Variants in CMSS1 observed in about 807,000 individuals in gnomAD.
CMSS1 encodes the protein cms1 ribosomal small subunit homolog.
In CMSS1, 33 loss-of-function variants were observed where a neutral mutation model predicts 43.5. That is an observed-to-expected ratio of 0.76 (90% CI 0.57 to 1.01). CMSS1 has a LOEUF of 1.01. Among genes scored for constraint, CMSS1 ranks in the 50% least tolerant of loss-of-function variants. The pLI is 0.00. For missense variants in CMSS1, 313 were observed against 326.4 expected (o/e 0.96, Z 0.32); for synonymous variants, 115 against 117.2 (o/e 0.98, Z 0.12).
intron 1 of CMSS1, among the ~76,000 whole-genome samples, chr3:100,095,492 A>G (rs905213230): frequency 8.5e-5 from 13 of 152,248 alleles, no homozygotes; most frequent in African/African-American, 3.1e-4. Context: ...TAATTTTGAC[A>G]GTCATACCGA....
intron 1 of CMSS1, among the ~76,000 whole-genome samples, chr3:99,976,499 T>C (rs1256148086): frequency 6.6e-6 from 1 of 152,198 alleles, no homozygotes; most frequent in Non-Finnish European, 1.5e-5. Flanking sequence ...TGGACCTGCA[T>C]GTTACTTCAG....
intron 1 of CMSS1, among the ~76,000 whole-genome samples, chr3:100,115,809 C>T (rs1333513064): frequency 3.3e-5 from 5 of 152,094 alleles, no homozygotes; most frequent in African/African-American, 1.2e-4. Flanking sequence ...CCATAGATCC[C>T]ATTCAACTTT....
chr3:99,983,389 A>ATATAT (rs1559713312), intron 1 of CMSS1, among the ~76,000 whole-genome samples: 17 of 40,794 alleles, frequency 4.2e-4, no homozygotes, highest in African/African-American at 1.4e-3. Flanking sequence ...TAAATAAATA[A>ATATAT]ATATATATAT....
chr3:100,124,531 C>T (rs766540950), intron 1 of CMSS1, among the ~76,000 whole-genome samples: 22 of 152,166 alleles, frequency 1.4e-4, no homozygotes, highest in Non-Finnish European at 2.2e-4. Flanking sequence ...GCTGGTGACC[C>T]TGACCTTCTC....
At chr3:99,892,076 C>T (rs559432909) in intron 1 of CMSS1, among the ~76,000 whole-genome samples, 111 of 152,298 alleles carry the variant, frequency 7.3e-4, no homozygotes, top group African/African-American at 2.3e-3. Flanking sequence ...GGTCTAAGAG[C>T]TTCTGCTATG....
chr3:100,085,034 G>A (rs1038475920), intron 1 of CMSS1, among the ~76,000 whole-genome samples: 22 of 152,308 alleles, frequency 1.4e-4, no homozygotes, highest in African/African-American at 5.3e-4. Context: ...TTTTAAATAT[G>A]TATGTATGGT....
intron 1 of CMSS1, among the ~76,000 whole-genome samples, chr3:99,867,738 T>G (rs917110240): frequency 6.6e-6 from 1 of 152,156 alleles, no homozygotes; most frequent in African/African-American, 2.4e-5. Flanking sequence ...TCCTCCCTTC[T>G]TTCCTATATA....
intron 1 of CMSS1, among the ~76,000 whole-genome samples, chr3:100,003,895 G>A (rs1709913433): frequency 6.6e-6 from 1 of 152,162 alleles, no homozygotes; most frequent in East Asian, 1.9e-4. Flanking sequence ...TATAAAGAGA[G>A]AAGGCATAAA....
intron 1 of CMSS1, among the ~76,000 whole-genome samples, chr3:99,983,420 G>GTATA (rs1384205958): frequency 1.7e-5 from 1 of 59,360 alleles, no homozygotes; most frequent in Admixed American, 2.0e-4. Flanking sequence ...ATATATATAT[G>GTATA]TATGTATGTA....
intron 6 of CMSS1, among the ~76,000 whole-genome samples, chr3:100,169,837 A>G (rs1271312630): frequency 6.6e-6 from 1 of 152,254 alleles, no homozygotes; most frequent in African/African-American, 2.4e-5. Context: ...AAGGGCAAAG[A>G]GTGTGGCCTG....
chr3:99,848,411 C>A, intron 1 of CMSS1: 6 of 1,614,134 alleles, frequency 3.7e-6, no homozygotes, highest in Non-Finnish European at 5.1e-6. Flanking sequence ...GTTCGGTTAT[C>A]CTGCAGTGGT....
chr3:99,873,418 T>G (rs1349952060), intron 1 of CMSS1, among the ~76,000 whole-genome samples: 1 of 152,202 alleles, frequency 6.6e-6, no homozygotes, highest in Non-Finnish European at 1.5e-5. Context: ...TTGAGACCAA[T>G]ATTGCCTTAC....
intron 1 of CMSS1, among the ~76,000 whole-genome samples, chr3:100,002,823 C>T (rs1469931587): frequency 6.6e-6 from 1 of 152,126 alleles, no homozygotes; most frequent in African/African-American, 2.4e-5. Flanking sequence ...ATGACTTCCC[C>T]TCTAAAGCAT....
chr3:100,092,766 T>C (rs2066133122), intron 1 of CMSS1, among the ~76,000 whole-genome samples: 1 of 151,254 alleles, frequency 6.6e-6, no homozygotes, highest in Admixed American at 6.6e-5. Context: ...ATGTCTTATC[T>C]CCCTGCATTC....
chr3:100,143,295 G>C (rs2066819373), intron 1 of CMSS1, among the ~76,000 whole-genome samples: 1 of 152,174 alleles, frequency 6.6e-6, no homozygotes. Flanking sequence ...CTGGTTAAAA[G>C]TTCTAGCACT....
At chr3:100,121,489 A>T (rs972540912) in intron 1 of CMSS1, among the ~76,000 whole-genome samples, 15 of 152,102 alleles carry the variant, frequency 9.9e-5, no homozygotes, top group African/African-American at 2.7e-4. Flanking sequence ...CCAGTCTATC[A>T]TTGATGGACA....
intron 1 of CMSS1, among the ~76,000 whole-genome samples, chr3:100,053,126 C>T (rs1177301872): frequency 6.6e-6 from 1 of 152,112 alleles, no homozygotes; most frequent in Non-Finnish European, 1.5e-5. Flanking sequence ...ATATATTGCT[C>T]CAATTTGGGG....
intron 1 of CMSS1, among the ~76,000 whole-genome samples, chr3:100,007,717 G>A (rs1022989198): frequency 6.6e-6 from 1 of 152,150 alleles, no homozygotes; most frequent in South Asian, 2.1e-4. Context: ...TATCGTGTAG[G>A]CAAAATGGGC....
chr3:100,068,732 A>G (rs2065710210), intron 1 of CMSS1, among the ~76,000 whole-genome samples: 1 of 152,068 alleles, frequency 6.6e-6, no homozygotes. Context: ...GGTTCAAGCG[A>G]TTTTCCTGCC....
Sources: allele counts gnomAD v4.1 joint callset (sites outside exome capture counted in the v4.1 genomes callset), GRCh38; gene constraint gnomAD v4.1.1; transcripts MANE v1.5; gene names NCBI Gene and HGNC (gene_info 2026-07-23, HGNC 2026-07-21).